Variants in SV2C observed in about 807,000 individuals in gnomAD.
SV2C encodes the protein solute carrier family 22 member B3.
A neutral mutation model predicts 79.7 loss-of-function variants in SV2C; 49 were observed. That is an observed-to-expected ratio of 0.61 (90% CI 0.49 to 0.78). The LOEUF is 0.78. Ranked by LOEUF, SV2C falls within the 30% of genes least tolerant of loss-of-function variation. The pLI is 0.00. For synonymous variants in SV2C, 334 were observed against 333.2 expected, an observed-to-expected ratio of 1.00 and a Z score of -0.03; for missense variants, 833 against 912.9, an observed-to-expected ratio of 0.91 and a Z score of 1.13.
At chr5:76,015,670 C>G in the SV2C span, among the ~76,000 whole-genome samples, 1 of 152,104 alleles carries the variant, frequency 6.6e-6, no homozygotes, top group African/African-American at 2.4e-5. Context: ...AAAGCACAAT[C>G]AAACTATAAG....
the SV2C span, among the ~76,000 whole-genome samples, chr5:76,031,469 G>A: frequency 0.42 from 63,295 of 152,138 alleles, 15,252 homozygotes; most frequent in Middle Eastern, 0.58. Context: ...TCCACTCGGT[G>A]CCTGCCAGGG....
intron 6 of SV2C, among the ~76,000 whole-genome samples, chr5:76,288,850 T>C (rs2112501202): frequency 6.6e-6 from 1 of 152,220 alleles, no homozygotes; most frequent in Middle Eastern, 3.4e-3. Flanking sequence ...CAAAGTTGCA[T>C]GCATTTTCCT....
chr5:76,129,068 A>G lies in SV2C; in HGVS notation c.-101-2582A>G, dbSNP rs1352616776. Among the ~76,000 whole-genome samples the G allele has an allele frequency of 3.9e-5, 6 of 152,296 alleles. No homozygotes were observed. In the East Asian group the frequency reaches 5.8e-4, roughly 15 times the overall value. ...CTGCCCCCAGCCAATCATCCTGCAC[A>G]TATTCCAAGATGGCTTTATAAGGAT... On this transcript the variant is annotated intron_variant, in intron 1 of 12. Coordinates refer to ENST00000502798, the MANE Select transcript of SV2C (RefSeq NM_014979.4).
chr5:75,983,761 G>A, the SV2C span, among the ~76,000 whole-genome samples: 1 of 152,174 alleles, frequency 6.6e-6, no homozygotes, highest in Non-Finnish European at 1.5e-5. Flanking sequence ...CCCAGTAACT[G>A]CATAGTGCCT....
chr5:76,008,233 C>T, the SV2C span, among the ~76,000 whole-genome samples: 2 of 152,132 alleles, frequency 1.3e-5, no homozygotes, highest in Non-Finnish European at 2.9e-5. Context: ...GTCATAAAGA[C>T]AGCTAAGGAT....
the SV2C span, among the ~76,000 whole-genome samples, chr5:76,011,381 G>T: frequency 1.3e-5 from 2 of 152,118 alleles, no homozygotes; most frequent in African/African-American, 4.8e-5. Context: ...AGAGAAATAA[G>T]ATTTGGAGAA....
At chr5:76,304,723 G>A (rs979570826) in intron 12 of SV2C, among the ~76,000 whole-genome samples, 2 of 152,146 alleles carry the variant, frequency 1.3e-5, no homozygotes, top group African/African-American at 4.8e-5. Flanking sequence ...ATGGTGGAAG[G>A]CAGAAGGGCA....
chr5:76,223,345 T>C (rs1036259088), intron 4 of SV2C, among the ~76,000 whole-genome samples: 9 of 150,032 alleles, frequency 6.0e-5, no homozygotes, highest in South Asian at 2.1e-4. Context: ...GGAGGATTGC[T>C]TGAGCCTAGG....
chr5:76,298,651 G>A (rs776508843), intron 9 of SV2C, 143 bp from the exon 10 acceptor site: 153 of 905,548 alleles, frequency 1.7e-4, no homozygotes, highest in Admixed American at 2.3e-4. Flanking sequence ...AAAGCAGAGA[G>A]CTAAGAAAAT....
At chr5:75,985,243 G>T in the SV2C span, among the ~76,000 whole-genome samples, 2 of 151,946 alleles carry the variant, frequency 1.3e-5, no homozygotes, top group African/African-American at 2.4e-5. Context: ...ATTCCTTGGA[G>T]AATGAAAATT....
At chr5:76,086,152 C>T (rs78416766) in intron 1 of SV2C, among the ~76,000 whole-genome samples, 7,629 of 152,230 alleles carry the variant, frequency 0.05, 553 homozygotes, top group African/African-American at 0.16. Flanking sequence ...AGTAAAACTC[C>T]TATTCATTAT....
At chr5:76,217,493 G>C (rs1457922111) in intron 4 of SV2C, among the ~76,000 whole-genome samples, 87 of 152,212 alleles carry the variant, frequency 5.7e-4, no homozygotes, top group Non-Finnish European at 4.4e-5. Flanking sequence ...ACTTCTGTGA[G>C]CTCTGTCAAA....
the SV2C span, among the ~76,000 whole-genome samples, chr5:76,078,112 A>T: frequency 2.0e-5 from 3 of 152,198 alleles, no homozygotes; most frequent in Non-Finnish European, 4.4e-5. Context: ...AAGGAGATTT[A>T]TAGCAGTAGG....
At chr5:76,107,334 A>G (rs1295583127) in intron 1 of SV2C, among the ~76,000 whole-genome samples, 4 of 152,236 alleles carry the variant, frequency 2.6e-5, no homozygotes, top group Non-Finnish European at 5.9e-5. Flanking sequence ...TTTAGTGTAC[A>G]ATAATACCTG....
chr5:76,206,359 C>G (rs1336673481), intron 3 of SV2C, among the ~76,000 whole-genome samples: 1 of 152,160 alleles, frequency 6.6e-6, no homozygotes, highest in Non-Finnish European at 1.5e-5. Flanking sequence ...GTGGGATTGC[C>G]CAGTGTCCCC....
At chr5:76,190,348 T>C (rs1167211047) in intron 2 of SV2C, among the ~76,000 whole-genome samples, 2 of 151,910 alleles carry the variant, frequency 1.3e-5, no homozygotes, top group African/African-American at 4.8e-5. Flanking sequence ...GGATAGAAAA[T>C]TACCAAGAGG....
In SV2C at chr5:76,295,837, A is replaced by G. The variant is rs1168984218; in HGVS notation, c.1397A>G (p.Tyr466Cys). Residue 466 changes from tyrosine to cysteine, a missense_variant, in exon 9 of 13, where the codon TAT (tyrosine) becomes TGT (cysteine). Tyr to Cys is a radical substitution (Grantham distance 194). Transcript: ENST00000502798. ...ATTAAACCTCTGCAGTCCGATGAATATGCATTGCTAACCAGAAATGTGGAG... is the reference window on the plus strand; with the variant it reads ...ATTAAACCTCTGCAGTCCGATGAATGTGCATTGCTAACCAGAAATGTGGAG... ...DVIKPLQSDE[Y>C]ALLTRNVERD... The G allele has an allele frequency of 3.1e-6, 5 of 1,613,670 alleles. No homozygotes were observed.
chr5:76,033,971 G>C, the SV2C span, among the ~76,000 whole-genome samples: 2 of 152,116 alleles, frequency 1.3e-5, no homozygotes, highest in Non-Finnish European at 2.9e-5. Context: ...CCCATCCCTT[G>C]TAAGTTGGAT....
chr5:76,236,815 C>T (rs1464741299), intron 4 of SV2C, among the ~76,000 whole-genome samples: 1 of 152,072 alleles, frequency 6.6e-6, no homozygotes, highest in Non-Finnish European at 1.5e-5. Flanking sequence ...ACTCTGTGTC[C>T]CCACCCATAT....
Sources: allele counts gnomAD v4.1 joint callset (sites outside exome capture counted in the v4.1 genomes callset), GRCh38; gene constraint gnomAD v4.1.1; transcripts MANE v1.5; gene names NCBI Gene and HGNC (gene_info 2026-07-23, HGNC 2026-07-21).